Variants in CMYA5 observed in about 807,000 individuals in gnomAD.
CMYA5 encodes the protein cardiomyopathy-associated protein 5.
In CMYA5, 246 loss-of-function variants were observed where a neutral mutation model predicts 318.9. The observed-to-expected ratio is 0.77, with a 90% confidence interval of 0.70 to 0.86. The LOEUF is 0.86. CMYA5 is among the 40% of genes least tolerant of loss of function. The pLI, the probability that CMYA5 is intolerant of heterozygous loss-of-function variation, is 0.00. For missense variants in CMYA5, 4,589 were observed against 4,678.2 expected (o/e 0.98, Z 0.56); for synonymous variants, 1,641 against 1,729.5 (o/e 0.95, Z 1.27).
chr5:79,733,708 A>G lies in CMYA5; in HGVS notation c.4943A>G (p.Gln1648Arg), dbSNP rs115952199. The change falls in exon 2 of 13, where the codon CAA becomes CGA. Residue 1648 changes from glutamine to arginine, a missense_variant. Physicochemically the swap from Gln to Arg is conservative, Grantham distance 43 (BLOSUM62 1). Around this residue, in one of 3 missense-constraint regions of CMYA5, gnomAD observed 2,132 missense variants for 2,131.3 expected, o/e 1.00. Transcript: ENST00000446378. ...GSEFSSDLGR[Q>R]SGSIGTKQAK... is the part of the protein sequence containing the mutation. ...GAATTTTCTAGTGATTTAGGTAGAC[A>G]AAGTGGATCCATAGGTACAAAACAA... The G allele has an allele frequency of 5.9e-3, 9,531 of 1,613,870 alleles. 40 individuals carry two copies. Among genetic ancestry groups the G allele is most frequent in the Non-Finnish European group, 6.6e-3 (7,821 of 1,179,824 alleles).
chr5:79,769,457 G>A (rs549876966), intron 9 of CMYA5, among the ~76,000 whole-genome samples: 25 of 152,064 alleles, frequency 1.6e-4, no homozygotes, highest in Non-Finnish European at 3.7e-4. Flanking sequence ...CGTCTTTGAT[G>A]TTGGTGACCT....
rs1001589713 is a variant in CMYA5, at chr5:79,764,002, CT to C, written c.11555+805del. ...GGAATAATGGTATGAAACTAGACAG[CT>C]TTTTTTTTTTTATTACACTTTAAGT... is the stretch of plus-strand genomic sequence containing the variant. On this transcript the variant is annotated intron_variant, in intron 9 of 12. Coordinates refer to ENST00000446378, the MANE Select transcript of CMYA5 (RefSeq NM_153610.5). Among the ~76,000 whole-genome samples, 1,110 of 144,298 alleles carry C rather than the reference CT, an allele frequency of 7.7e-3. 9 individuals carry two copies. Among genetic ancestry groups the C allele is most frequent in the African/African-American group, 0.023 (920 of 39,694 alleles). The allele number at this position is 144,298 out of a possible 152,430, so 94.7% of individuals were successfully genotyped here.
chr5:79,720,596 C>G (rs1183204798), intron 1 of CMYA5, among the ~76,000 whole-genome samples: 2 of 151,866 alleles, frequency 1.3e-5, no homozygotes, highest in African/African-American at 2.4e-5. Flanking sequence ...ACCACCATGC[C>G]CAGCTAATTT....
At chr5:79,743,627 C>T (rs528654908) in intron 2 of CMYA5, among the ~76,000 whole-genome samples, 200 bp from the exon 3 acceptor site, 1 of 152,254 alleles carries the variant, frequency 6.6e-6, no homozygotes, top group East Asian at 1.9e-4. Context: ...GAGGTTTTCA[C>T]TCAAAACCTC....
intron 1 of CMYA5, among the ~76,000 whole-genome samples, chr5:79,701,649 A>G (rs1249830712): frequency 1.3e-5 from 2 of 152,214 alleles, no homozygotes; most frequent in Non-Finnish European, 2.9e-5. Context: ...TTTAGAAAAC[A>G]GTCTGGCAGT....
At chr5:79,778,619 T>G (rs1828988355) in intron 9 of CMYA5, among the ~76,000 whole-genome samples, 1 of 151,938 alleles carries the variant, frequency 6.6e-6, no homozygotes. Flanking sequence ...TCTTTTTGAT[T>G]TGTAGAAGCT....
At chr5:79,708,393 A>G (rs920847620) in intron 1 of CMYA5, among the ~76,000 whole-genome samples, 3 of 151,930 alleles carry the variant, frequency 2.0e-5, no homozygotes, top group Admixed American at 6.6e-5. Context: ...AGGCCGAGGC[A>G]GGCAGATCAC....
In CMYA5 at chr5:79,763,134, C is replaced by T; in HGVS notation, c.11480C>T (p.Pro3827Leu). 6.3e-7 allele frequency: 1 copy of T among 1,577,988 alleles called. No individual in the cohort carries two copies. The change falls in exon 9 of 13, where the codon CCC becomes CTC. Residue 3827 changes from proline to leucine, a missense_variant. Pro to Leu is a moderately conservative substitution (Grantham distance 98). This residue lies in a region of CMYA5 where 2,431 missense variants were observed against 2,495.1 expected (regional missense o/e 0.97). Coordinates refer to ENST00000446378, the MANE Select transcript of CMYA5 (RefSeq NM_153610.5). ...CWNTATIRWR[P>L]TTPEATETYT... ...AACACAGCCACTATCCGATGGCGGC[C>T]CACCACCCCAGAGGCCACGGAGACC...
At chr5:79,770,118 T>C (rs1473147065) in intron 9 of CMYA5, among the ~76,000 whole-genome samples, 2 of 152,138 alleles carry the variant, frequency 1.3e-5, no homozygotes, top group South Asian at 4.1e-4. Flanking sequence ...GAAAACTGCC[T>C]ACTCAAGCCT....
chr5:79,736,890 C>G lies in CMYA5; in HGVS notation c.8125C>G (p.Pro2709Ala). The G allele has an allele frequency of 6.2e-7, 1 of 1,612,816 alleles. No homozygotes were observed. Among genetic ancestry groups the G allele is most frequent in the Non-Finnish European group, 8.5e-7 (1 of 1,179,692 alleles). The change falls in exon 2 of 13, where the codon CCT (proline) becomes GCT (alanine). Residue 2709 changes from proline to alanine, a missense_variant. This residue lies in a region of CMYA5 where 2,431 missense variants were observed against 2,495.1 expected (regional missense o/e 0.97). Coordinates refer to ENST00000446378, the MANE Select transcript of CMYA5 (RefSeq NM_153610.5). ...QEKAVGTQPR[P>A]LEESKVLVEK... ...AAAGGCAGTAGGAACCCAACCACGTCCTTTAGAAGAAAGTAAAGTTTTGGT... is the reference window on the plus strand; with the variant it reads ...AAAGGCAGTAGGAACCCAACCACGTGCTTTAGAAGAAAGTAAAGTTTTGGT...
chr5:79,698,375 A>AGGAT (rs2151074893), intron 1 of CMYA5, among the ~76,000 whole-genome samples: 1 of 151,998 alleles, frequency 6.6e-6, no homozygotes, highest in East Asian at 1.9e-4. Flanking sequence ...TGGCTGTGCC[A>AGGAT]CTTACTAGTT....
intron 2 of CMYA5, among the ~76,000 whole-genome samples, chr5:79,743,204 G>T (rs1327702042): frequency 6.6e-6 from 1 of 152,160 alleles, no homozygotes; most frequent in East Asian, 1.9e-4. Context: ...AGCAAGATTG[G>T]CTGTTGCTAG....
intron 1 of CMYA5, among the ~76,000 whole-genome samples, chr5:79,723,908 T>C (rs979239125): frequency 6.6e-6 from 1 of 152,060 alleles, no homozygotes; most frequent in African/African-American, 2.4e-5. Context: ...ATCACAGCCA[T>C]GTTGAGTTCA....
chr5:79,799,357 G>A lies in CMYA5; in HGVS notation c.11964-13G>A, dbSNP rs763852957. 8.9e-6 allele frequency: 14 copies of A among 1,581,034 alleles called. No homozygotes were observed. The highest frequency in any genetic ancestry group is 1.7e-4 in the Middle Eastern group (1 of 5,966). On this transcript the variant is annotated splice_polypyrimidine_tract_variant and intron_variant, in intron 12 of 12. Transcript: ENST00000446378. ...TTCCAGAGTTTTATGTTTCCCATTC[G>A]CTTTCATTTCAGATACACATTTTTC...
intron 1 of CMYA5, among the ~76,000 whole-genome samples, chr5:79,703,853 G>A (rs1031819758): frequency 6.6e-6 from 1 of 152,218 alleles, no homozygotes; most frequent in Non-Finnish European, 1.5e-5. Flanking sequence ...AACACTGAAA[G>A]GCTGAGGCAG....
Position 79,734,631 on chromosome 5 carries a change from T to G in CMYA5, c.5866T>G (p.Leu1956Val). Residue 1956 changes from leucine to valine, a missense_variant, in exon 2 of 13, where the codon TTG becomes GTG. Coordinates refer to ENST00000446378, the MANE Select transcript of CMYA5 (RefSeq NM_153610.5). ...GCCGCATTCTGCTGAAGAATCTCAT[T>G]TGTCATCACAAGAAGCAGTATCTGC... is the stretch of plus-strand genomic sequence containing the variant. ...VLPHSAEESH[L>V]SSQEAVSALD... is the part of the protein sequence containing the mutation. 6.2e-7 allele frequency: 1 copy of G among 1,613,834 alleles called. No individual in the cohort carries two copies.
intron 8 of CMYA5, chr5:79,762,792 A>C: frequency 2.6e-6 from 1 of 390,042 alleles, no homozygotes; most frequent in South Asian, 5.3e-5. Context: ...TTGCTTGTAT[A>C]TGTATAAAGA....
chr5:79,697,471 A>G (rs1008368106), intron 1 of CMYA5, among the ~76,000 whole-genome samples: 1 of 152,260 alleles, frequency 6.6e-6, no homozygotes, highest in African/African-American at 2.4e-5. Context: ...CTGATGAGTG[A>G]ACAGAGGCCC....
intron 6 of CMYA5, among the ~76,000 whole-genome samples, chr5:79,753,031 A>G (rs1828462055): frequency 6.6e-6 from 1 of 152,042 alleles, no homozygotes; most frequent in African/African-American, 2.4e-5. Context: ...AGGAGGTGGA[A>G]GGAGCCATGG....
Sources: allele counts gnomAD v4.1 joint callset (sites outside exome capture counted in the v4.1 genomes callset), GRCh38; gene constraint gnomAD v4.1.1; regional missense constraint gnomAD v4.1.1; transcripts MANE v1.5; gene names NCBI Gene and HGNC (gene_info 2026-07-23, HGNC 2026-07-21).